The following IL13RA1 variants were observed in gnomAD, a reference collection of about 807,000 sequenced individuals.
IL13RA1 encodes the protein interleukin-13 receptor subunit alpha-1.
IL13RA1 carries 14 observed loss-of-function variants against 33.8 expected under a neutral mutation model. The ratio of observed to expected loss-of-function variants is 0.41; its 90% confidence interval spans 0.27 to 0.65. The LOEUF (loss-of-function observed/expected upper bound fraction) is 0.65. IL13RA1 is among the 30% of genes least tolerant of loss of function. The pLI, the probability that IL13RA1 is intolerant of heterozygous loss-of-function variation, is 0.28. For synonymous variants in IL13RA1, 116 were observed against 115.7 expected (o/e 1.00, Z -0.02); for missense variants, 313 against 327.0 (o/e 0.96, Z 0.33).
At chrX:118,767,181 C>A (rs1217579550) in intron 8 of IL13RA1, among the ~76,000 whole-genome samples, 1 of 111,737 alleles carries the variant, frequency 8.9e-6, no homozygotes, top group Non-Finnish European at 1.9e-5. Context: ...AAACCATAAT[C>A]CAAATGGTTT....
In IL13RA1 at chrX:118,783,119, T is replaced by G. The variant is rs1249687929; in HGVS notation, c.1191+6608T>G. Among the ~76,000 whole-genome samples, 3 of 111,863 alleles carry G rather than the reference T, an allele frequency of 2.7e-5. No individual in the cohort carries two copies. The East Asian group carries it at 8.3e-4, about 31-fold the overall frequency. The stretch of plus-strand genomic sequence containing the variant: ...CACTCTGGAAAATATCTTAACCAAA[T>G]CTTGAAAGTAATCTTAAGTTGAGAC... On this transcript the variant is annotated intron_variant, in intron 10 of 10. Coordinates refer to ENST00000371666, the MANE Select transcript of IL13RA1 (RefSeq NM_001560.3).
At chrX:118,735,327 CTTCA>C (rs750869955) in intron 1 of IL13RA1, among the ~76,000 whole-genome samples, 3 of 108,774 alleles carry the variant, frequency 2.8e-5, no homozygotes, top group Non-Finnish European at 5.8e-5. Context: ...CTGGTCTAAT[CTTCA>C]TTATTTCCTT....
rs138018049 is a variant in IL13RA1, at chrX:118,749,761, C to G, written c.471C>G (p.Asn157Lys). The G allele has an allele frequency of 3.6e-5, 42 of 1,156,780 alleles. No homozygotes were observed. In the African/African-American group the frequency reaches 5.7e-4, roughly 16 times the overall value. ...LPGRNTSPDT[N>K]YTLYYWHRSL... ...GAAGGAATACCAGTCCCGACACTAA[C>G]TATACTCTCTACTATTGGTGAGTAT... The change falls in exon 4 of 11, where the codon AAC becomes AAG. Residue 157 changes from asparagine to lysine, a missense_variant. Asn to Lys is a moderately conservative substitution (Grantham distance 94). Coordinates refer to ENST00000371666, the MANE Select transcript of IL13RA1 (RefSeq NM_001560.3).
intron 7 of IL13RA1, 26 bp downstream of exon 7, chrX:118,766,603 T>A: frequency 1.1e-6 from 1 of 920,684 alleles, no homozygotes; most frequent in East Asian, 3.1e-5. Flanking sequence ...ATTAGCTATT[T>A]GGGTTTAGAC....
downstream of IL13RA1, among the ~76,000 whole-genome samples, chrX:118,795,766 A>G (rs2018027116): frequency 8.9e-6 from 1 of 112,272 alleles, no homozygotes. Context: ...CCTTGTTTCC[A>G]TGAACTCTTG....
chrX:118,775,452 G>C (rs992681251), intron 9 of IL13RA1, among the ~76,000 whole-genome samples: 1 of 111,821 alleles, frequency 8.9e-6, no homozygotes, highest in Non-Finnish European at 1.9e-5. Flanking sequence ...TATTGTAGTT[G>C]CTGAGTGAAG....
At chrX:118,762,841 G>A (rs111321370) in intron 6 of IL13RA1, among the ~76,000 whole-genome samples, 2,888 of 111,995 alleles carry the variant, frequency 0.026, 92 homozygotes, top group African/African-American at 0.088. Flanking sequence ...TCCTGAGATA[G>A]TATTCATTTT....
intron 8 of IL13RA1, among the ~76,000 whole-genome samples, chrX:118,773,483 ACT>A (rs1235901359): frequency 1.8e-5 from 2 of 111,496 alleles, no homozygotes; most frequent in Non-Finnish European, 3.8e-5. Context: ...AGAGTGAGAG[ACT>A]CTGTCTCAAA....
At chrX:118,803,876 TC>T in the IL13RA1 span, among the ~76,000 whole-genome samples, 1 of 89,566 alleles carries the variant, frequency 1.1e-5, no homozygotes, top group African/African-American at 4.2e-5. Context: ...CTTCCTTCCT[TC>T]CTTCCTTCCT....
At chrX:118,748,025 G>GTGTGTGTT (rs1407438302) in intron 3 of IL13RA1, among the ~76,000 whole-genome samples, 2 of 103,208 alleles carry the variant, frequency 1.9e-5, no homozygotes, top group Non-Finnish European at 3.9e-5. Context: ...GTGTGTGTGT[G>GTGTGTGTT]TGTGTGTGTG....
At chrX:118,804,517 CAT>C in the IL13RA1 span, among the ~76,000 whole-genome samples, 2 of 111,219 alleles carry the variant, frequency 1.8e-5, no homozygotes, top group Non-Finnish European at 3.8e-5. Context: ...TTTTTTCCCA[CAT>C]GATAAGGACC....
At chrX:118,770,824 G>T in intron 8 of IL13RA1, 2 of 286,290 alleles carry the variant, frequency 7.0e-6, no homozygotes, top group South Asian at 3.3e-5. Flanking sequence ...TAGCTACCAG[G>T]ACCTACCAGA....
intron 3 of IL13RA1, among the ~76,000 whole-genome samples, chrX:118,748,990 A>G (rs927418867): frequency 7.2e-5 from 8 of 111,607 alleles, no homozygotes; most frequent in African/African-American, 2.3e-4. Context: ...ATCTTGGCTC[A>G]CTGCAACCTC....
chrX:118,756,750 A>G (rs1326780534), intron 4 of IL13RA1, among the ~76,000 whole-genome samples: 1 of 112,096 alleles, frequency 8.9e-6, no homozygotes, highest in African/African-American at 3.2e-5. Flanking sequence ...GAGCCCAAAG[A>G]AAATGAGCTC....
At chrX:118,760,543 C>T (rs1334213714) in intron 5 of IL13RA1, among the ~76,000 whole-genome samples, 1 of 112,122 alleles carries the variant, frequency 8.9e-6, no homozygotes, top group African/African-American at 3.2e-5. Flanking sequence ...TGGCCATTTT[C>T]TAACCAGATG....
chrX:118,766,987 AG>A lies in IL13RA1; in HGVS notation c.1009+12del. The A allele has an allele frequency of 9.7e-7, 1 of 1,033,297 alleles. No individual in the cohort carries two copies. The highest frequency in any genetic ancestry group is 1.3e-6 in the Non-Finnish European group (1 of 758,245). 85.2% of individuals were successfully genotyped at this position (1,033,297 alleles called of 1,213,427 possible). The stretch of plus-strand genomic sequence containing the variant: ...AAGAAATGAGTATAGGTAAGAGAAC[AG>A]AATTTTTATTAAAATTTAAAACACT... On this transcript the variant is annotated intron_variant, in intron 8 of 10. Transcript: ENST00000371666.
chrX:118,782,063 A>G (rs1292162355), intron 10 of IL13RA1, among the ~76,000 whole-genome samples: 1 of 110,504 alleles, frequency 9.0e-6, no homozygotes, highest in Non-Finnish European at 1.9e-5. Flanking sequence ...TATCATTTCT[A>G]CATTTACTTT....
At chrX:118,787,788 C>T (rs973829960) in intron 10 of IL13RA1, among the ~76,000 whole-genome samples, 6 of 111,934 alleles carry the variant, frequency 5.4e-5, no homozygotes, top group African/African-American at 1.6e-4. Flanking sequence ...CTGTCCTGCC[C>T]GGCTCCAGGC....
intron 1 of IL13RA1, among the ~76,000 whole-genome samples, chrX:118,733,132 C>G (rs1441739598): frequency 1.8e-5 from 2 of 111,663 alleles, no homozygotes. Context: ...TCTTTGAGAC[C>G]TTGTTTTCAC....
Sources: allele counts gnomAD v4.1 joint callset (sites outside exome capture counted in the v4.1 genomes callset), GRCh38; gene constraint gnomAD v4.1.1; transcripts MANE v1.5; gene names NCBI Gene and HGNC (gene_info 2026-07-23, HGNC 2026-07-21).